The following ASIC2 variants were observed in gnomAD, a reference collection of about 807,000 sequenced individuals.
The protein encoded by ASIC2 is acid-sensing ion channel 2.
In ASIC2, 25 loss-of-function variants were observed where a neutral mutation model predicts 57.3. That is an observed-to-expected ratio of 0.44 (90% CI 0.32 to 0.61). The LOEUF is 0.61. ASIC2 is among the 20% of genes least tolerant of loss of function. ASIC2 has a pLI of 0.06. For missense variants in ASIC2, 641 were observed against 738.1 expected (o/e 0.87, Z 1.52); for synonymous variants, 319 against 307.5 (o/e 1.04, Z -0.39).
At chr17:33,637,157 A>G (rs1447413933) in intron 1 of ASIC2, among the ~76,000 whole-genome samples, 1 of 152,134 alleles carries the variant, frequency 6.6e-6, no homozygotes, top group Admixed American at 6.5e-5. Context: ...TGATGCAGCT[A>G]GAAGCAGAAT....
chr17:33,029,498 T>C (rs1289784404), intron 3 of ASIC2, among the ~76,000 whole-genome samples: 1 of 152,264 alleles, frequency 6.6e-6, no homozygotes, highest in Non-Finnish European at 1.5e-5. Context: ...CAGCATTATG[T>C]ATGACTACAC....
rs576911630 is a variant in ASIC2, at chr17:33,898,979, G to A, written c.555+256999C>T. The stretch of plus-strand genomic sequence containing the variant: ...CCCCTTCCTCCAATGGCTGTTGCCC[G>A]CTTGCCAAATTCATATTAATTCCTC... On this transcript the variant is annotated intron_variant, in intron 1 of 9. Transcript: ENST00000359872. Among the ~76,000 whole-genome samples the A allele has an allele frequency of 6.9e-4, 105 of 151,946 alleles. 2 individuals carry two copies. The highest frequency in any genetic ancestry group is 8.1e-4 in the Non-Finnish European group (55 of 68,010).
chr17:33,469,141 G>C (rs1912958474), intron 1 of ASIC2, among the ~76,000 whole-genome samples: 1 of 152,240 alleles, frequency 6.6e-6, no homozygotes, highest in African/African-American at 2.4e-5. Context: ...CATGGTGGAA[G>C]GAAGCGCTTG....
Position 34,156,433 on chromosome 17 carries a change from C to A in ASIC2, c.100G>T (p.Val34Leu). ...CGCCGGATGGTCAGCGGCCCATACA[C>A]GAAGATGTGGCGGATGCCATGGAGG... is the stretch of plus-strand genomic sequence containing the variant. Residue 34 changes from valine to leucine, a missense_variant, in exon 1 of 10, where the codon GTG becomes TTG. Coordinates refer to the ASIC2 transcript ENST00000359872. The surrounding 1 kb of genome is among the most constrained non-coding windows in gnomAD (Gnocchi z 4.4). The A allele has an allele frequency of 4.3e-6, 7 of 1,614,202 alleles. No individual in the cohort carries two copies. The highest frequency in any genetic ancestry group is 1.1e-5 in the South Asian group (1 of 91,088).
chr17:33,612,229 C>T (rs573138055), intron 1 of ASIC2, among the ~76,000 whole-genome samples: 20 of 152,280 alleles, frequency 1.3e-4, no homozygotes, highest in East Asian at 7.7e-4. Flanking sequence ...CACAGACACA[C>T]TAAAAATAAT....
chr17:34,077,590 C>T (rs1909718177), intron 1 of ASIC2, among the ~76,000 whole-genome samples: 1 of 152,170 alleles, frequency 6.6e-6, no homozygotes, highest in Non-Finnish European at 1.5e-5. Context: ...TAATGAAAGT[C>T]AGAAAGCTAT....
chr17:33,496,508 T>A (rs1168948841), intron 1 of ASIC2, among the ~76,000 whole-genome samples: 1 of 150,054 alleles, frequency 6.7e-6, no homozygotes, highest in African/African-American at 2.4e-5. Flanking sequence ...TTCCCAGCCA[T>A]CACCTGACAA....
At chr17:33,260,938 A>G (rs1409747326) in intron 1 of ASIC2, among the ~76,000 whole-genome samples, 1 of 152,198 alleles carries the variant, frequency 6.6e-6, no homozygotes, top group Non-Finnish European at 1.5e-5. Context: ...CTTCGATAGG[A>G]ACCACCTCTT....
At position 34,039,845 on chromosome 17, in the gene ASIC2, G is replaced by A; in HGVS notation, c.555+116133C>T. Reference sequence around the variant, plus strand: ...GCCTCCAATAATTTCTGCCGTCGTGGGTCCAGGCTATGCAATTCTTCCATC... The same window carrying A: ...GCCTCCAATAATTTCTGCCGTCGTGAGTCCAGGCTATGCAATTCTTCCATC... On this transcript the variant is annotated intron_variant, in intron 1 of 9. Coordinates refer to the ASIC2 transcript ENST00000359872. 12 of 1,606,448 alleles carry A rather than the reference G, an allele frequency of 7.5e-6. No individual in the cohort carries two copies. In the South Asian group the frequency reaches 1.3e-4, roughly 18 times the overall value.
intron 1 of ASIC2, among the ~76,000 whole-genome samples, chr17:33,682,967 T>C (rs142516086): frequency 2.3e-3 from 352 of 152,366 alleles, no homozygotes; most frequent in Non-Finnish European, 4.0e-3. Context: ...ATTCTTTTGC[T>C]AGGGCTGCAG....
chr17:33,402,038 C>T (rs532471077), intron 1 of ASIC2, among the ~76,000 whole-genome samples: 1 of 152,236 alleles, frequency 6.6e-6, no homozygotes, highest in East Asian at 1.9e-4. Context: ...AGCTGTTGTC[C>T]AGAAATATTC....
At chr17:33,894,498 C>T (rs1226753787) in intron 1 of ASIC2, among the ~76,000 whole-genome samples, 2 of 152,018 alleles carry the variant, frequency 1.3e-5, no homozygotes, top group African/African-American at 4.8e-5. Context: ...TCCCTGATGC[C>T]ACCACTATGA....
chr17:33,182,407 A>G (rs2142060027), intron 1 of ASIC2, among the ~76,000 whole-genome samples: 1 of 152,310 alleles, frequency 6.6e-6, no homozygotes, highest in South Asian at 2.1e-4. Context: ...CCAAAGGTCT[A>G]CCAAAATGCT....
chr17:33,450,127 A>C (rs1288721352), intron 1 of ASIC2, among the ~76,000 whole-genome samples: 1 of 152,214 alleles, frequency 6.6e-6, no homozygotes, highest in Non-Finnish European at 1.5e-5. Context: ...AAAATGGTAG[A>C]AACATCCAAA....
chr17:33,490,119 C>T (rs1198707370), intron 1 of ASIC2, among the ~76,000 whole-genome samples: 1 of 152,240 alleles, frequency 6.6e-6, no homozygotes, highest in Non-Finnish European at 1.5e-5. Context: ...TATTAGAATA[C>T]AGTCGTGTAC....
At chr17:33,790,259 A>AT (rs1324314870) in intron 1 of ASIC2, among the ~76,000 whole-genome samples, 1 of 152,202 alleles carries the variant, frequency 6.6e-6, no homozygotes, top group Non-Finnish European at 1.5e-5. Context: ...TGCTTGATGC[A>AT]TCCCAACTCT....
At chr17:33,702,228 G>A (rs979236484) in intron 1 of ASIC2, among the ~76,000 whole-genome samples, 4 of 152,178 alleles carry the variant, frequency 2.6e-5, no homozygotes, top group African/African-American at 4.8e-5. Context: ...ATTGTTGTAA[G>A]GATCAAGTAA....
chr17:33,296,771 T>C (rs1262824405), upstream of ASIC2, among the ~76,000 whole-genome samples: 1 of 152,248 alleles, frequency 6.6e-6, no homozygotes, highest in Non-Finnish European at 1.5e-5. Flanking sequence ...GTTTTTGTAA[T>C]ACAATTTTCA....
intron 1 of ASIC2, among the ~76,000 whole-genome samples, chr17:33,539,632 TGCCTGGG>T (rs1915344221): frequency 6.6e-6 from 1 of 152,266 alleles, no homozygotes; most frequent in Admixed American, 6.5e-5. Flanking sequence ...CCAGCCCCTG[TGCCTGGG>T]GCCTCATGGC....
Sources: gnomAD v4.1 joint callset for allele counts (sites outside exome capture counted in the v4.1 genomes callset) on GRCh38, gnomAD v4.1.1 for gene constraint, Gnocchi (gnomAD v3.1) non-coding constraint, MANE v1.5 for transcripts, NCBI Gene and HGNC (gene_info 2026-07-23, HGNC 2026-07-21) for gene names.